VGLL3: variants seen among roughly 807,000 people sequenced by gnomAD.
VGLL3 encodes vestigial like family member 3, also known as transcription cofactor vestigial-like protein 3.
VGLL3 carries 18 observed loss-of-function variants against 29.2 expected under a neutral mutation model. The ratio of observed to expected loss-of-function variants is 0.62; its 90% confidence interval spans 0.43 to 0.91. The LOEUF is 0.91. Among genes scored for constraint, VGLL3 ranks in the 40% least tolerant of loss-of-function variants. The pLI is 0.00. For missense variants in VGLL3, 440 were observed against 413.2 expected (o/e 1.06, Z -0.56); for synonymous variants, 180 against 151.8 (o/e 1.19, Z -1.36).
chr3:86,950,636 A>T (rs998688454), intron 3 of VGLL3, among the ~76,000 whole-genome samples: 1 of 152,176 alleles, frequency 6.6e-6, no homozygotes, highest in African/African-American at 2.4e-5. Flanking sequence ...AGATTAACAA[A>T]ACAGCCCTCA....
At chr3:86,975,861 G>A (rs544898021) in intron 2 of VGLL3, among the ~76,000 whole-genome samples, 6 of 151,976 alleles carry the variant, frequency 3.9e-5, no homozygotes, top group Non-Finnish European at 7.4e-5. Context: ...GTGTGGCTCC[G>A]AGCACTTTGG....
At chr3:86,972,898 T>C (rs543698234) in intron 2 of VGLL3, among the ~76,000 whole-genome samples, 1 of 149,502 alleles carries the variant, frequency 6.7e-6, no homozygotes, top group East Asian at 2.0e-4. Flanking sequence ...ACGAGTTTAT[T>C]TCTAGACAAA....
At chr3:86,967,946 T>G (rs1490464965) in intron 3 of VGLL3, among the ~76,000 whole-genome samples, 2 of 152,218 alleles carry the variant, frequency 1.3e-5, no homozygotes, top group African/African-American at 4.8e-5. Context: ...TTTATAGTAG[T>G]CTTTTAAGTC....
chr3:86,990,364 A>G (rs1705552855), intron 1 of VGLL3: 1 of 985,282 alleles, frequency 1.0e-6, no homozygotes, highest in Non-Finnish European at 1.2e-6. Context: ...TAGGGTGCCT[A>G]GGAGGAGCAG....
chr3:86,974,846 A>ATTATCTAAG (rs1335971389), intron 2 of VGLL3, among the ~76,000 whole-genome samples: 4 of 152,072 alleles, frequency 2.6e-5, no homozygotes, highest in Admixed American at 6.5e-5. Flanking sequence ...AGTATCTACT[A>ATTATCTAAG]TTATCTAAGA....
At chr3:86,973,164 A>T (rs146286210) in intron 2 of VGLL3, among the ~76,000 whole-genome samples, 2 of 152,158 alleles carry the variant, frequency 1.3e-5, no homozygotes, top group Non-Finnish European at 2.9e-5. Context: ...TTAAAGAATG[A>T]TACAGCTTAT....
In VGLL3 at chr3:86,990,878, T is replaced by C; in HGVS notation, c.-135A>G. ...CTGCTACTGCGGCGAAGGCGGGTCCTCGGCGGCCTCGGGCTCCGCGCGGGG... is the reference window on the plus strand; with the variant it reads ...CTGCTACTGCGGCGAAGGCGGGTCCCCGGCGGCCTCGGGCTCCGCGCGGGG... On this transcript the variant is annotated 5_prime_UTR_variant, in exon 1 of 4. Coordinates refer to ENST00000398399, the MANE Select transcript of VGLL3 (RefSeq NM_016206.4). 8.8e-7 allele frequency: 1 copy of C among 1,140,818 alleles called. No individual in the cohort carries two copies. The highest frequency in any genetic ancestry group is 1.1e-6 in the Non-Finnish European group (1 of 922,824). The allele number at this position is 1,140,818 out of a possible 1,614,324, so 70.7% of individuals were successfully genotyped here. A position where few individuals can be genotyped will look rare whatever the true frequency, so the allele number is the denominator to read the frequency against.
chr3:86,986,283 C>T (rs1307557671), intron 1 of VGLL3, among the ~76,000 whole-genome samples: 1 of 152,126 alleles, frequency 6.6e-6, no homozygotes, highest in Non-Finnish European at 1.5e-5. Flanking sequence ...CACAGTGTCA[C>T]CTTGTCCTGG....
chr3:86,946,905 C>A lies in VGLL3; in HGVS notation c.*119G>T, dbSNP rs1704519165. 3 of 698,998 alleles carry A rather than the reference C, an allele frequency of 4.3e-6. No individual in the cohort carries two copies. Among genetic ancestry groups the A allele is most frequent in the Non-Finnish European group, 5.3e-6 (2 of 376,200 alleles). 43.3% of individuals were successfully genotyped at this position (698,998 alleles called of 1,614,324 possible). ...CCGAAAACCAGTCAACTGCGTGACA[C>A]TTTGTCTTCTCCTTCTATGCCTTTC... On this transcript the variant is annotated 3_prime_UTR_variant, in exon 4 of 4. Transcript: ENST00000398399.
At chr3:86,954,746 A>G (rs1704681874) in intron 3 of VGLL3, among the ~76,000 whole-genome samples, 2 of 152,256 alleles carry the variant, frequency 1.3e-5, no homozygotes, top group South Asian at 4.1e-4. Context: ...ACTGCTTACC[A>G]ATTCGGTGAC....
In VGLL3 at chr3:86,978,506, A is replaced by G. The variant is rs761374399; in HGVS notation, c.403+20T>C. On this transcript the variant is annotated intron_variant, in intron 2 of 3. Coordinates refer to ENST00000398399, the MANE Select transcript of VGLL3 (RefSeq NM_016206.4). The stretch of plus-strand genomic sequence containing the variant: ...AAACAAAGACAGTGCCCTGGAGAAC[A>G]TCTGCTTTTGAATTCTTACCTCGCC... 2 of 1,611,178 alleles carry G rather than the reference A, an allele frequency of 1.2e-6. No homozygotes were observed. Among genetic ancestry groups the G allele is most frequent in the African/African-American group, 2.7e-5 (2 of 74,866 alleles).
chr3:86,969,004 GT>G lies in VGLL3; in HGVS notation c.522del (p.Pro176LeufsTer36). On this transcript the variant is annotated frameshift_variant, in exon 3 of 4. Transcript: ENST00000398399. LOFTEE classifies it high-confidence loss of function. ...GGVHPDFQVT[G>X]PPGTFSAADP... ...TCAGCTGCAGAAAAGGTGCCAGGGG[GT>G]CCAGTGACCTGGAAGTCAGGATGAA... The G allele has an allele frequency of 6.2e-7, 1 of 1,614,150 alleles. No individual in the cohort carries two copies. Among genetic ancestry groups the G allele is most frequent in the Non-Finnish European group, 8.5e-7 (1 of 1,180,028 alleles).
At chr3:86,957,430 G>A (rs553909905) in intron 3 of VGLL3, among the ~76,000 whole-genome samples, 10 of 152,188 alleles carry the variant, frequency 6.6e-5, no homozygotes, top group Admixed American at 3.3e-4. Flanking sequence ...ATTTTTTGTC[G>A]TAATGAACCA....
rs1442077539 is a variant in VGLL3 at position 86,990,938 on chromosome 3, C to G, written c.-195G>C. ...GGGAGGGACTGGCAATCAGCGGGGG[C>G]CCATGCGCGGGCACCTTCATCTTCA... On this transcript the variant is annotated 5_prime_UTR_variant, in exon 1 of 4. Transcript: ENST00000398399. 1.8e-6 allele frequency: 2 copies of G among 1,085,024 alleles called. No individual in the cohort carries two copies. The highest frequency in any genetic ancestry group is 2.2e-6 in the Non-Finnish European group (2 of 893,326). 67.2% of individuals were successfully genotyped at this position (1,085,024 alleles called of 1,614,324 possible).
chr3:86,962,133 A>G (rs1397972388), intron 3 of VGLL3: 6 of 985,424 alleles, frequency 6.1e-6, no homozygotes, highest in Admixed American at 1.2e-4. Context: ...GCCTAATGTG[A>G]GATTTGTGAT....
At chr3:86,969,358 T>C (rs1705041428) in intron 2 of VGLL3, among the ~76,000 whole-genome samples, 1 of 152,216 alleles carries the variant, frequency 6.6e-6, no homozygotes, top group East Asian at 1.9e-4. Flanking sequence ...CCATTTGCTT[T>C]GCTTGGCTTA....
chr3:86,989,002 T>C (rs536518067), intron 1 of VGLL3, among the ~76,000 whole-genome samples: 1 of 152,258 alleles, frequency 6.6e-6, no homozygotes, highest in South Asian at 2.1e-4. Context: ...TTATATAAAG[T>C]ACTGGAGTCA....
chr3:86,952,170 C>A (rs1377605071), intron 3 of VGLL3, among the ~76,000 whole-genome samples: 1 of 152,062 alleles, frequency 6.6e-6, no homozygotes, highest in African/African-American at 2.4e-5. Flanking sequence ...CCTTTCAACT[C>A]AAATGGGATT....
chr3:86,983,593 C>T (rs1419360146), intron 1 of VGLL3, among the ~76,000 whole-genome samples: 1 of 152,088 alleles, frequency 6.6e-6, no homozygotes, highest in Non-Finnish European at 1.5e-5. Flanking sequence ...ACTATGTTGC[C>T]AGGGTTGGTC....
Sources: allele counts gnomAD v4.1 joint callset (sites outside exome capture counted in the v4.1 genomes callset), GRCh38; gene constraint gnomAD v4.1.1; transcripts MANE v1.5; gene names NCBI Gene and HGNC (gene_info 2026-07-23, HGNC 2026-07-21).